ITGA9: variants seen among roughly 807,000 people sequenced by gnomAD.
The protein encoded by ITGA9 is integrin subunit alpha 9, also known as integrin alpha-9.
A neutral mutation model predicts 127.8 loss-of-function variants in ITGA9; 56 were observed. The observed-to-expected ratio is 0.44, with a 90% CI of 0.35 to 0.55. ITGA9 has a LOEUF of 0.55. ITGA9 is among the 20% of genes least tolerant of loss of function. The pLI is 0.00. For missense variants in ITGA9, 1,196 were observed against 1,347.1 expected (o/e 0.89, Z 1.76); for synonymous variants, 508 against 514.5 (o/e 0.99, Z 0.17).
At chr3:37,729,092 A>G (rs1012941155) in intron 18 of ITGA9, among the ~76,000 whole-genome samples, 1 of 152,066 alleles carries the variant, frequency 6.6e-6, no homozygotes, top group Admixed American at 6.6e-5. Context: ...TGTTGTACTT[A>G]TCTAGTAAGG....
rs140074817 is a variant in ITGA9 at position 37,581,246 on chromosome 3, G to A, written c.1689+38661G>A. Among the ~76,000 whole-genome samples the A allele has an allele frequency of 3.3e-5, 5 of 152,308 alleles. No individual in the cohort carries two copies. In the East Asian group the frequency reaches 9.6e-4, roughly 29 times the overall value. ...GTGGACAAGACGGCTGGACTAGTGT[G>A]GTCACAGAGGGAACAGACGGAAGCA... On this transcript the variant is annotated intron_variant, in intron 15 of 27. Transcript: ENST00000264741.
chr3:37,678,224 G>C (rs1700701486), intron 17 of ITGA9, among the ~76,000 whole-genome samples: 1 of 152,102 alleles, frequency 6.6e-6, no homozygotes, highest in Non-Finnish European at 1.5e-5. Context: ...ACAATTCTAT[G>C]TTTAATTATT....
At chr3:37,453,840 A>G (rs1342893644) in intron 1 of ITGA9, among the ~76,000 whole-genome samples, 1 of 152,176 alleles carries the variant, frequency 6.6e-6, no homozygotes, top group Non-Finnish European at 1.5e-5. Context: ...GCTGTTCAGG[A>G]GATCAGCCTT....
intron 14 of ITGA9, among the ~76,000 whole-genome samples, chr3:37,536,533 A>T (rs901546515): frequency 6.6e-6 from 1 of 152,214 alleles, no homozygotes. Context: ...TAAGCAGCTG[A>T]TGTTAGTCTT....
rs1700455091 is a variant in ITGA9 at position 37,654,190 on chromosome 3, C to CACACACA, written c.1916+400_1916+401insACACACA. ...AATAAAGGTTTATGCCCTCCTGCCTCCACACACACACACACACACACACAC... is the reference window on the plus strand; with the variant it reads ...AATAAAGGTTTATGCCCTCCTGCCTCACACACACACACACACACACACACACACACAC... On this transcript the variant is annotated intron_variant, in intron 17 of 27. Coordinates refer to ENST00000264741, the MANE Select transcript of ITGA9 (RefSeq NM_002207.3). Among the ~76,000 whole-genome samples the CACACACA allele has an allele frequency of 4.1e-3, 604 of 146,400 alleles. 3 individuals carry two copies. Among genetic ancestry groups the CACACACA allele is most frequent in the African/African-American group, 0.015 (578 of 39,368 alleles).
chr3:37,811,790 G>T (rs1697371934), intron 27 of ITGA9, among the ~76,000 whole-genome samples: 2 of 152,320 alleles, frequency 1.3e-5, no homozygotes, highest in Admixed American at 1.3e-4. Flanking sequence ...GGAGGCCCAG[G>T]ACCTACTTGC....
intron 22 of ITGA9, chr3:37,748,930 T>G: frequency 1.4e-6 from 1 of 719,802 alleles, no homozygotes; most frequent in South Asian, 1.6e-5. Context: ...GAAAGACCTC[T>G]GGACTGTTTA....
intron 12 of ITGA9, among the ~76,000 whole-genome samples, chr3:37,525,455 T>C (rs11915449): frequency 0.079 from 11,951 of 152,114 alleles, 636 homozygotes; most frequent in South Asian, 0.21. Flanking sequence ...AGGGATACCA[T>C]GAGATACTCA....
chr3:37,794,957 A>G (rs897097977), intron 26 of ITGA9, among the ~76,000 whole-genome samples: 1 of 152,152 alleles, frequency 6.6e-6, no homozygotes, highest in African/African-American at 2.4e-5. Context: ...CATCTGAGGC[A>G]TGGTTCTGCT....
chr3:37,693,842 C>T (rs1700856989), intron 18 of ITGA9, among the ~76,000 whole-genome samples: 2 of 152,170 alleles, frequency 1.3e-5, no homozygotes, highest in South Asian at 4.1e-4. Context: ...TTTCATTCAG[C>T]GCAGGGACTG....
intron 25 of ITGA9, among the ~76,000 whole-genome samples, chr3:37,782,464 CAAGAG>C (rs75693371): frequency 0.26 from 39,223 of 152,056 alleles, 5,863 homozygotes; most frequent in South Asian, 0.47. Flanking sequence ...GAGCCGCAGG[CAAGAG>C]AGCTGAAAGC....
At position 37,822,334 on chromosome 3, in the gene ITGA9, T is replaced by A. The variant is rs956788769; in HGVS notation, c.*3345T>A. 6.6e-6 allele frequency: 1 copy of A among 150,712 alleles called. No individual in the cohort carries two copies. Among genetic ancestry groups the A allele is most frequent in the Non-Finnish European group, 1.5e-5 (1 of 67,168 alleles). The allele number at this position is 150,712 out of a possible 1,614,324, so 9.3% of individuals were successfully genotyped here. A position where few individuals can be genotyped will look rare whatever the true frequency, so the allele number is the denominator to read the frequency against. On this transcript the variant is annotated 3_prime_UTR_variant, in exon 28 of 28. Transcript: ENST00000264741. ...GCCCCTTTTTTAAAAAAAGTTTTGC[T>A]TATGCTTAATTTACATAGGACTCAG...
At chr3:37,675,860 C>T (rs1480246413) in intron 17 of ITGA9, among the ~76,000 whole-genome samples, 1 of 150,872 alleles carries the variant, frequency 6.6e-6, no homozygotes, top group East Asian at 2.0e-4. Flanking sequence ...TCTCCTGCCT[C>T]AGCCTCCTAA....
At chr3:37,784,877 C>T (rs1697019889) in intron 25 of ITGA9, 100 bp from the exon 26 acceptor site, 2 of 1,009,050 alleles carry the variant, frequency 2.0e-6, no homozygotes, top group Non-Finnish European at 3.1e-6. Flanking sequence ...TTTGTCTGGG[C>T]TACATGGAAT....
chr3:37,580,864 A>G (rs1699702772), intron 15 of ITGA9, among the ~76,000 whole-genome samples: 1 of 152,188 alleles, frequency 6.6e-6, no homozygotes, highest in African/African-American at 2.4e-5. Flanking sequence ...TCCAAAAGAC[A>G]CGGGTATGAA....
intron 18 of ITGA9, among the ~76,000 whole-genome samples, chr3:37,729,857 C>T (rs1696265633): frequency 2.6e-5 from 4 of 152,118 alleles, no homozygotes; most frequent in African/African-American, 7.2e-5. Flanking sequence ...GCATGCACCA[C>T]CACACCCAGC....
chr3:37,479,815 A>T (rs1001012794), intron 3 of ITGA9, among the ~76,000 whole-genome samples: 2 of 152,174 alleles, frequency 1.3e-5, no homozygotes, highest in Non-Finnish European at 2.9e-5. Flanking sequence ...TAGCTCTGCC[A>T]CTTAGGCAAA....
chr3:37,697,581 G>C (rs1575197479), intron 18 of ITGA9, among the ~76,000 whole-genome samples: 1 of 151,928 alleles, frequency 6.6e-6, no homozygotes, highest in Non-Finnish European at 1.5e-5. Context: ...TGAGAACATG[G>C]GGTGTTTGGT....
intron 18 of ITGA9, 67 bp from the exon 19 acceptor site, chr3:37,732,645 G>A (rs138771451): frequency 2.2e-4 from 265 of 1,221,308 alleles, no homozygotes; most frequent in Middle Eastern, 3.9e-4. Flanking sequence ...CGATTGCCCC[G>A]TGGAGCCTGC....
Sources: allele counts gnomAD v4.1 joint callset (sites outside exome capture counted in the v4.1 genomes callset), GRCh38; gene constraint gnomAD v4.1.1; transcripts MANE v1.5; gene names NCBI Gene and HGNC (gene_info 2026-07-23, HGNC 2026-07-21).